Variants in CRABP2 observed in about 807,000 individuals in gnomAD.
CRABP2 encodes the protein cellular retinoic acid-binding protein 2.
In CRABP2, 20 loss-of-function variants were observed where a neutral mutation model predicts 17.9. The ratio of observed to expected loss-of-function variants is 1.12; its 90% confidence interval spans 0.79 to 1.63. The LOEUF is 1.63. Ranked by LOEUF, CRABP2 falls within the 40% of genes most tolerant of loss-of-function variation. CRABP2 has a pLI of 0.00. For missense variants in CRABP2, 151 were observed against 168.6 expected (o/e 0.90, Z 0.58); for synonymous variants, 76 against 66.4 (o/e 1.14, Z -0.70).
chr1:156,703,048 A>G (rs911504919), intron 1 of CRABP2, among the ~76,000 whole-genome samples: 2 of 151,560 alleles, frequency 1.3e-5, no homozygotes, highest in Non-Finnish European at 2.9e-5. Flanking sequence ...AAAAAAAAAA[A>G]AAAAAAGGAA....
chr1:156,702,588 C>A (rs1269040258), intron 1 of CRABP2, among the ~76,000 whole-genome samples: 1 of 151,894 alleles, frequency 6.6e-6, no homozygotes, highest in Non-Finnish European at 1.5e-5. Flanking sequence ...GCCTGACCAA[C>A]GTGGAGAAAC....
Position 156,705,518 on chromosome 1 carries a change from A to G in CRABP2, c.-72T>C. 6.4e-7 allele frequency: 1 copy of G among 1,554,998 alleles called. No individual in the cohort carries two copies. The highest frequency in any genetic ancestry group is 8.8e-7 in the Non-Finnish European group (1 of 1,131,378). On this transcript the variant is annotated 5_prime_UTR_variant, in exon 1 of 4. Coordinates refer to ENST00000368222, the MANE Select transcript of CRABP2 (RefSeq NM_001878.4). The surrounding 1 kb of genome is among the most constrained non-coding windows in gnomAD (Gnocchi z 5.2). The stretch of plus-strand genomic sequence containing the variant: ...CTGGACACTGTCTTTTAGTCAAAAG[A>G]GACGTCGCCGTCGCCGGGTCGTCAG...
upstream of CRABP2, chr1:156,705,598 C>T (rs1648171980): frequency 6.3e-6 from 5 of 788,644 alleles, no homozygotes; most frequent in Non-Finnish European, 1.0e-5. The surrounding 1 kb of genome is among the most constrained non-coding windows in gnomAD (Gnocchi z 5.2). Context: ...TGGGCTCCCG[C>T]GCGGACAGCT....
At position 156,700,197 on chromosome 1, in the gene CRABP2, G is replaced by C. The variant is rs565301485; in HGVS notation, c.367-121C>G. 9.0e-5 allele frequency: 89 copies of C among 984,220 alleles called. No homozygotes were observed. The African/African-American group carries it at 1.2e-3, about 14-fold the overall frequency. The allele number at this position is 984,220 out of a possible 1,614,324, so 61.0% of individuals were successfully genotyped here. Reference sequence around the variant, plus strand: ...GGTCCAAACCTGCTTCTTGGCTCAAGACCAACAGGCAGGAGCTGGTCCCAG... The same window carrying C: ...GGTCCAAACCTGCTTCTTGGCTCAACACCAACAGGCAGGAGCTGGTCCCAG... On this transcript the variant is annotated intron_variant, in intron 3 of 3. Transcript: ENST00000368222.
intron 1 of CRABP2, among the ~76,000 whole-genome samples, chr1:156,703,031 T>TAAAAA (rs5778001): frequency 8.4e-4 from 72 of 86,178 alleles, no homozygotes; most frequent in African/African-American, 2.8e-3. Flanking sequence ...ACCCTACCAC[T>TAAAAA]AAAAAAAAAA....
At position 156,699,744 on chromosome 1, in the gene CRABP2, C is replaced by A; in HGVS notation, c.*282G>T. 1 of 466,206 alleles carries A rather than the reference C, an allele frequency of 2.1e-6. No individual in the cohort carries two copies. The highest frequency in any genetic ancestry group is 3.9e-6 in the Non-Finnish European group (1 of 256,702). 28.9% of individuals were successfully genotyped at this position (466,206 alleles called of 1,614,324 possible). On this transcript the variant is annotated 3_prime_UTR_variant, in exon 4 of 4. Transcript: ENST00000368222. ...AAGTCCCCTTTAGAGAGACCCTGCT[C>A]TGGGCTGGTTTGGGGCTAGGACTGC...
In CRABP2 at chr1:156,705,086, G is replaced by A. The variant is rs1287164706; in HGVS notation, c.70+291C>T. On this transcript the variant is annotated intron_variant, in intron 1 of 3. Transcript: ENST00000368222. This position sits in a 1 kb window ranked among gnomAD's most constrained non-coding sequence, Gnocchi z 5.2. ...GTGCCTCGGCCCGCCGAGTCCGGCCGCTGAGGCCAGCCTCCCCTTCCCCCA... is the reference window on the plus strand; with the variant it reads ...GTGCCTCGGCCCGCCGAGTCCGGCCACTGAGGCCAGCCTCCCCTTCCCCCA... Among the ~76,000 whole-genome samples the A allele has an allele frequency of 6.6e-6, 1 of 152,228 alleles. No homozygotes were observed. Among genetic ancestry groups the A allele is most frequent in the African/African-American group, 2.4e-5 (1 of 41,458 alleles).
intron 3 of CRABP2, 62 bp from the exon 4 acceptor site, chr1:156,700,138 G>C (rs375183207): frequency 4.2e-5 from 66 of 1,564,316 alleles, no homozygotes; most frequent in Non-Finnish European, 5.7e-5. Flanking sequence ...CTTTGGAGAG[G>C]AGGGTTGAAT....
In CRABP2 at chr1:156,700,545, G is replaced by C. The variant is rs1235519644; in HGVS notation, c.363C>G (p.Ile121Met). 6.2e-7 allele frequency: 1 copy of C among 1,612,350 alleles called. No individual in the cohort carries two copies. Among genetic ancestry groups the C allele is most frequent in the Non-Finnish European group, 8.5e-7 (1 of 1,178,538 alleles). The change falls in exon 3 of 4, where the codon ATC becomes ATG. Residue 121 changes from isoleucine (I) to methionine (M), a missense_variant. Ile to Met is a conservative substitution (Grantham distance 10). Transcript: ENST00000368222. ...TRELTNDGEL[I>M]LTMTADDVVC... ...GTGGGGAGGAGGCAGGACTTACCAGGATCAGTTCCCCATCGTTGGTCAGTT... is the reference window on the plus strand; with the variant it reads ...GTGGGGAGGAGGCAGGACTTACCAGCATCAGTTCCCCATCGTTGGTCAGTT...
Position 156,701,693 on chromosome 1 carries a change from C to T in CRABP2, c.71-641G>A, listed in dbSNP as rs932593395. 2.0e-5 allele frequency among the ~76,000 whole-genome samples: 3 copies of T among 152,274 alleles called. No homozygotes were observed. In the East Asian group the frequency reaches 5.8e-4, roughly 29 times the overall value. On this transcript the variant is annotated intron_variant, in intron 1 of 3. Transcript: ENST00000368222. ...CTTCCCTCTACAGAATGGTCAGCAG[C>T]CTGGGAAGACAGAGGCTCTGGAGTA...
rs1353484000 is a variant in CRABP2, at chr1:156,700,550, G to A, written c.358C>T (p.Leu120=). 6.2e-6 allele frequency: 10 copies of A among 1,613,468 alleles called. No individual in the cohort carries two copies. The highest frequency in any genetic ancestry group is 8.5e-6 in the Non-Finnish European group (10 of 1,179,386). The change falls in exon 3 of 4, where the codon CTG becomes TTG. Residue 120 remains leucine (L), a synonymous_variant. Coordinates refer to ENST00000368222, the MANE Select transcript of CRABP2 (RefSeq NM_001878.4). ...WTRELTNDGE[L]ILTMTADDVV... ...GAGGAGGCAGGACTTACCAGGATCAGTTCCCCATCGTTGGTCAGTTCTCTG... is the reference window on the plus strand; with the variant it reads ...GAGGAGGCAGGACTTACCAGGATCAATTCCCCATCGTTGGTCAGTTCTCTG...
Position 156,705,494 on chromosome 1 carries a change from T to C in CRABP2, c.-48A>G. 1 of 1,596,104 alleles carries C rather than the reference T, an allele frequency of 6.3e-7. No homozygotes were observed. Among genetic ancestry groups the C allele is most frequent in the South Asian group, 1.1e-5 (1 of 90,730 alleles). ...CCCGTAGACTCCTAGGCTGGAGCAC[T>C]GGACACTGTCTTTTAGTCAAAAGAG... On this transcript the variant is annotated 5_prime_UTR_variant, in exon 1 of 4. Transcript: ENST00000368222. This position sits in a 1 kb window ranked among gnomAD's most constrained non-coding sequence, Gnocchi z 5.2.
chr1:156,700,948 C>T lies in CRABP2; in HGVS notation c.175G>A (p.Val59Met), dbSNP rs775293212. ...TTGAAGTTAATCTCTGTGGTGCGCA[C>T]GGTGGTGGAGGTTTTGATGTAGAAA... Reference protein sequence around the residue: ...DTFYIKTSTTVRTTEINFKVG... With the variant: ...DTFYIKTSTTMRTTEINFKVG... The change falls in exon 2 of 4, where the codon GTG (valine) becomes ATG (methionine). Residue 59 changes from valine to methionine, a missense_variant. Physicochemically the swap from Val to Met is conservative, Grantham distance 21. Transcript: ENST00000368222. 4.6e-5 allele frequency: 75 copies of T among 1,614,072 alleles called. 1 individual carries two copies. Among genetic ancestry groups the T allele is most frequent in the South Asian group, 1.1e-4 (10 of 91,094 alleles).
At position 156,705,277 on chromosome 1, in the gene CRABP2, T is replaced by C; in HGVS notation, c.70+100A>G. On this transcript the variant is annotated intron_variant, in intron 1 of 3. Transcript: ENST00000368222. The surrounding 1 kb of genome is among the most constrained non-coding windows in gnomAD (Gnocchi z 5.2). ...TTTTCGGGGATGCAGGCACCCAGTGTCTCACGCCCTGATTGTGGTCCCGCT... is the reference window on the plus strand; with the variant it reads ...TTTTCGGGGATGCAGGCACCCAGTGCCTCACGCCCTGATTGTGGTCCCGCT... 1 of 1,317,508 alleles carries C rather than the reference T, an allele frequency of 7.6e-7. No homozygotes were observed. Among genetic ancestry groups the C allele is most frequent in the South Asian group, 1.2e-5 (1 of 83,956 alleles). The allele number at this position is 1,317,508 out of a possible 1,614,324, so 81.6% of individuals were successfully genotyped here. A position where few individuals can be genotyped will look rare whatever the true frequency, so the allele number is the denominator to read the frequency against.
intron 1 of CRABP2, among the ~76,000 whole-genome samples, chr1:156,704,424 C>G (rs754256891): frequency 2.0e-5 from 3 of 152,168 alleles, no homozygotes; most frequent in African/African-American, 7.2e-5. Context: ...CCTGCCCTTA[C>G]GCTCCCAGTG....
upstream of CRABP2, chr1:156,705,736 A>G (rs1448448817): frequency 4.9e-6 from 2 of 406,488 alleles, no homozygotes; most frequent in Admixed American, 3.7e-5. The surrounding 1 kb of genome is among the most constrained non-coding windows in gnomAD (Gnocchi z 5.2). Context: ...GTGTGGGTCC[A>G]GGCTTCTCTG....
At position 156,699,990 on chromosome 1, in the gene CRABP2, G is replaced by C; in HGVS notation, c.*36C>G. ...TGAAGCAGGGCGGTGAGCATGGCCAGTGGTGGGCTTCGGCCGCGGTTCTAC... is the reference window on the plus strand; with the variant it reads ...TGAAGCAGGGCGGTGAGCATGGCCACTGGTGGGCTTCGGCCGCGGTTCTAC... On this transcript the variant is annotated 3_prime_UTR_variant, in exon 4 of 4. Coordinates refer to ENST00000368222, the MANE Select transcript of CRABP2 (RefSeq NM_001878.4). 6.2e-7 allele frequency: 1 copy of C among 1,604,964 alleles called. No individual in the cohort carries two copies. Among genetic ancestry groups the C allele is most frequent in the African/African-American group, 1.3e-5 (1 of 74,762 alleles).
In CRABP2 at chr1:156,699,847, G is replaced by A. The variant is rs1185751746; in HGVS notation, c.*179C>T. 3.3e-6 allele frequency: 2 copies of A among 605,628 alleles called. No individual in the cohort carries two copies. Among genetic ancestry groups the A allele is most frequent in the Non-Finnish European group, 5.9e-6 (2 of 341,806 alleles). 37.5% of individuals were successfully genotyped at this position (605,628 alleles called of 1,614,324 possible). A position where few individuals can be genotyped will look rare whatever the true frequency, so the allele number is the denominator to read the frequency against. On this transcript the variant is annotated 3_prime_UTR_variant, in exon 4 of 4. Transcript: ENST00000368222. ...GCCATTCCTCTTTGTTGGTGTAGGG[G>A]AGGAGAGAAGAGGTCAAAGAAAGCA...
intron 1 of CRABP2, among the ~76,000 whole-genome samples, chr1:156,702,652 C>T (rs999301697): frequency 3.3e-5 from 5 of 151,092 alleles, no homozygotes; most frequent in Admixed American, 3.3e-4. Context: ...CATGCCTCTA[C>T]TCCCAGCTGC....
Sources: allele counts gnomAD v4.1 joint callset (sites outside exome capture counted in the v4.1 genomes callset), GRCh38; gene constraint gnomAD v4.1.1; non-coding constraint Gnocchi (gnomAD v3.1); transcripts MANE v1.5; gene names NCBI Gene and HGNC (gene_info 2026-07-23, HGNC 2026-07-21).